DOCK2: variants seen among roughly 807,000 people sequenced by gnomAD.
The protein encoded by DOCK2 is dedicator of cytokinesis 2.
In DOCK2, 87 loss-of-function variants were observed where a neutral mutation model predicts 248.9. The observed-to-expected ratio is 0.35, with a 90% CI of 0.29 to 0.42. The LOEUF is 0.42. Among genes scored for constraint, DOCK2 ranks in the 10% least tolerant of loss-of-function variants. The pLI, the probability that DOCK2 is intolerant of heterozygous loss-of-function variation, is 1.00. For synonymous variants in DOCK2, 805 were observed against 821.6 expected, an observed-to-expected ratio of 0.98 and a Z score of 0.35; for missense variants, 1,747 against 2,300.2, an observed-to-expected ratio of 0.76 and a Z score of 4.92.
intron 27 of DOCK2, among the ~76,000 whole-genome samples, chr5:169,901,242 G>A (rs1274627743): frequency 6.6e-6 from 1 of 152,198 alleles, no homozygotes; most frequent in African/African-American, 2.4e-5. Context: ...TCTGATGCAA[G>A]AAAGGTATTT....
At chr5:169,817,858 G>A (rs894962709) in intron 26 of DOCK2, among the ~76,000 whole-genome samples, 3 of 152,148 alleles carry the variant, frequency 2.0e-5, no homozygotes, top group Non-Finnish European at 4.4e-5. Flanking sequence ...TAATGTCCGT[G>A]GTTTGACTGA....
intron 27 of DOCK2, among the ~76,000 whole-genome samples, chr5:169,958,990 TAGTAA>T (rs1776972830): frequency 1.3e-5 from 2 of 152,350 alleles, no homozygotes; most frequent in South Asian, 4.1e-4. Flanking sequence ...CAGCTCCCGT[TAGTAA>T]ACTACTAACT....
rs1287159774 is a variant in DOCK2 at position 169,699,494 on chromosome 5, C to A, written c.1132+36C>A. 3.1e-6 allele frequency: 5 copies of A among 1,587,566 alleles called. No individual in the cohort carries two copies. In the South Asian group the frequency reaches 4.5e-5, roughly 14 times the overall value. ...AATATGCCAGTGGGCTGAGCCTGCT[C>A]CAGCTTGGGAGCCCCTAACTCTTCA... On this transcript the variant is annotated intron_variant, in intron 12 of 51. Coordinates refer to ENST00000520908, the MANE Select transcript of DOCK2 (RefSeq NM_004946.3).
intron 6 of DOCK2, among the ~76,000 whole-genome samples, chr5:169,676,938 A>C (rs1182213507): frequency 6.6e-6 from 1 of 152,208 alleles, no homozygotes; most frequent in Non-Finnish European, 1.5e-5. Context: ...TGAAGCGCTC[A>C]CTGTACACCA....
intron 26 of DOCK2, among the ~76,000 whole-genome samples, chr5:169,823,541 G>T (rs1413665188): frequency 1.3e-5 from 2 of 152,148 alleles, no homozygotes; most frequent in East Asian, 3.9e-4. Context: ...CTCAATAGAT[G>T]CAGAAAAGGC....
chr5:169,837,165 A>C (rs1330065113), intron 26 of DOCK2, among the ~76,000 whole-genome samples: 1 of 135,542 alleles, frequency 7.4e-6, no homozygotes, highest in African/African-American at 3.4e-5. Context: ...AATTATTAAA[A>C]GAAAAAAAAA....
At chr5:169,700,381 T>C (rs550904723) in intron 13 of DOCK2, among the ~76,000 whole-genome samples, 1 of 152,366 alleles carries the variant, frequency 6.6e-6, no homozygotes, top group South Asian at 2.1e-4. Context: ...GGTCATATTT[T>C]ATATTCCTTT....
At chr5:170,015,567 T>TGTTTG (rs1554126073) in intron 32 of DOCK2, among the ~76,000 whole-genome samples, 4,408 of 151,050 alleles carry the variant, frequency 0.029, 161 homozygotes, top group African/African-American at 0.086. Flanking sequence ...TTTAGGTTTT[T>TGTTTG]TTTGTTTGTT....
chr5:170,062,467 A>C lies in DOCK2; in HGVS notation c.4467+4801A>C, dbSNP rs560056033. On this transcript the variant is annotated intron_variant, in intron 44 of 51. Transcript: ENST00000520908. ...GAACCGATATGAAAAGCTGAGGCAC[A>C]CTCAGGCATGCACCCTGCTCTGACA... Among the ~76,000 whole-genome samples, 32 of 152,188 alleles carry C rather than the reference A, an allele frequency of 2.1e-4. 1 individual carries two copies. In the South Asian group the frequency reaches 6.6e-3, roughly 32 times the overall value.
At chr5:169,995,056 ACT>A (rs1324209849) in intron 29 of DOCK2, among the ~76,000 whole-genome samples, 1 of 144,810 alleles carries the variant, frequency 6.9e-6, no homozygotes, top group Non-Finnish European at 1.5e-5. Context: ...TTTGAGAGAG[ACT>A]CTCACTATTG....
At chr5:169,795,150 A>G (rs1468771461) in intron 25 of DOCK2, among the ~76,000 whole-genome samples, 2 of 152,126 alleles carry the variant, frequency 1.3e-5, no homozygotes, top group Non-Finnish European at 2.9e-5. Context: ...TTAGTGCAAA[A>G]TCACTTTTTA....
intron 27 of DOCK2, among the ~76,000 whole-genome samples, chr5:169,952,622 C>T (rs930565897): frequency 1.4e-4 from 21 of 152,116 alleles, no homozygotes; most frequent in African/African-American, 5.1e-4. Flanking sequence ...GCCACAGAAT[C>T]CCTGCTAAGA....
intron 38 of DOCK2, among the ~76,000 whole-genome samples, chr5:170,044,263 C>T (rs1476493518): frequency 6.6e-6 from 1 of 152,210 alleles, no homozygotes; most frequent in African/African-American, 2.4e-5. Context: ...CACTTATGTT[C>T]CATGAGAGTA....
At chr5:169,795,326 C>T (rs540729650) in intron 25 of DOCK2, among the ~76,000 whole-genome samples, 2 of 152,214 alleles carry the variant, frequency 1.3e-5, no homozygotes, top group East Asian at 3.9e-4. Flanking sequence ...GTGCTGAGTT[C>T]TAACATTTCT....
chr5:169,816,635 T>C (rs1375345803), intron 26 of DOCK2, among the ~76,000 whole-genome samples: 1 of 152,230 alleles, frequency 6.6e-6, no homozygotes, highest in Non-Finnish European at 1.5e-5. Context: ...CTTTGTCATT[T>C]ACCCTATTCC....
chr5:170,052,580 A>T (rs1438516663), intron 41 of DOCK2, among the ~76,000 whole-genome samples: 1 of 152,204 alleles, frequency 6.6e-6, no homozygotes, highest in Non-Finnish European at 1.5e-5. Context: ...TGGACAAGAA[A>T]TATGTGGGGC....
Position 169,718,705 on chromosome 5 carries a change from G to A in DOCK2, c.2181G>A (p.Gly727=), listed in dbSNP as rs761922778. ...LKTYLDTSSR[G]EQCEPILRTL... is the part of the protein sequence containing the mutation. ...CTTACTTGGATACCTCCAGCAGAGG[G>A]GAGCAATGTGAGCCAATCCTAAGAA... The change falls in exon 22 of 52, where the codon GGG becomes GGA. Residue 727 remains glycine (G), a synonymous_variant. Coordinates refer to ENST00000520908, the MANE Select transcript of DOCK2 (RefSeq NM_004946.3). 11 of 1,613,916 alleles carry A rather than the reference G, an allele frequency of 6.8e-6. No individual in the cohort carries two copies. Among genetic ancestry groups the A allele is most frequent in the Non-Finnish European group, 4.2e-6 (5 of 1,179,892 alleles).
At chr5:169,786,002 G>A (rs1765960381) in intron 25 of DOCK2, among the ~76,000 whole-genome samples, 1 of 152,046 alleles carries the variant, frequency 6.6e-6, no homozygotes, top group South Asian at 2.1e-4. Flanking sequence ...CATACAAATG[G>A]GTAGAGTACA....
chr5:169,699,529 T>A, intron 12 of DOCK2, 71 bp downstream of exon 12: 1 of 1,458,322 alleles, frequency 6.9e-7, no homozygotes, highest in South Asian at 1.2e-5. Flanking sequence ...AGCAAATGAA[T>A]CAAAATCCTG....
Sources: gnomAD v4.1 joint callset for allele counts (sites outside exome capture counted in the v4.1 genomes callset) on GRCh38, gnomAD v4.1.1 for gene constraint, MANE v1.5 for transcripts, NCBI Gene and HGNC (gene_info 2026-07-23, HGNC 2026-07-21) for gene names.